Variants in CNTNAP5 observed in about 807,000 individuals in gnomAD.
The protein encoded by CNTNAP5 is contactin associated protein family member 5.
A neutral mutation model predicts 150.2 loss-of-function variants in CNTNAP5; 72 were observed. The ratio of observed to expected loss-of-function variants is 0.48; its 90% CI spans 0.40 to 0.58. The LOEUF (loss-of-function observed/expected upper bound fraction) is 0.58. CNTNAP5 is among the 20% of genes least tolerant of loss of function. CNTNAP5 has a pLI of 0.00. For synonymous variants in CNTNAP5, 672 were observed against 619.8 expected (o/e 1.08, Z -1.25); for missense variants, 1,636 against 1,626.2 (o/e 1.01, Z -0.10).
chr2:124,357,393 C>A (rs1413937953), intron 3 of CNTNAP5, among the ~76,000 whole-genome samples: 2 of 151,954 alleles, frequency 1.3e-5, no homozygotes, highest in African/African-American at 4.8e-5. Flanking sequence ...TGCCTATGTC[C>A]TGAATGGTAA....
At chr2:124,229,105 C>T (rs1191954696) in intron 2 of CNTNAP5, among the ~76,000 whole-genome samples, 3 of 152,038 alleles carry the variant, frequency 2.0e-5, no homozygotes, top group African/African-American at 7.3e-5. Context: ...GCCCTATACC[C>T]AGGAAGAAAG....
rs527788911 is a variant in CNTNAP5 at position 124,195,065 on chromosome 2, G to A, written c.83-26640G>A. On this transcript the variant is annotated intron_variant, in intron 1 of 23. Transcript: ENST00000682447. ...ATTAAATAAAAAAAAAACTCAAAAA[G>A]CATAAAAAACATCTAAAGAGAACCT... is the stretch of plus-strand genomic sequence containing the variant. Among the ~76,000 whole-genome samples the A allele has an allele frequency of 4.0e-5, 6 of 151,464 alleles. No individual in the cohort carries two copies. The South Asian group carries it at 1.3e-3, about 32-fold the overall frequency.
intron 22 of CNTNAP5, among the ~76,000 whole-genome samples, chr2:124,903,804 C>T (rs776963453): frequency 2.6e-5 from 4 of 152,044 alleles, no homozygotes; most frequent in Admixed American, 6.6e-5. Flanking sequence ...CTGAAATTGC[C>T]GCACTTTGGG....
rs1573950359 is a variant in CNTNAP5 at position 124,372,236 on chromosome 2, A to G, written c.382-45207A>G. Among the ~76,000 whole-genome samples, 7 of 152,090 alleles carry G rather than the reference A, an allele frequency of 4.6e-5. No individual in the cohort carries two copies. The South Asian group carries it at 1.5e-3, about 32-fold the overall frequency. ...ACTCTGTGACTTATTCCAGCAGCCT[A>G]TCAGGGGCTCTTAGTCCTTCAGCCT... is the stretch of plus-strand genomic sequence containing the variant. On this transcript the variant is annotated intron_variant, in intron 3 of 23. Transcript: ENST00000682447.
chr2:124,670,133 TTTCCTTCC>T (rs796656346), intron 13 of CNTNAP5, among the ~76,000 whole-genome samples: 28 of 112,604 alleles, frequency 2.5e-4, no homozygotes, highest in Admixed American at 1.1e-3. Context: ...TCCTTCCTTC[TTTCCTTCC>T]TTCCTTCCTT....
At chr2:124,120,406 GA>G (rs1333978691) in intron 1 of CNTNAP5, among the ~76,000 whole-genome samples, 2 of 152,234 alleles carry the variant, frequency 1.3e-5, no homozygotes, top group Middle Eastern at 3.4e-3. Flanking sequence ...GTAAAAGGAA[GA>G]AAAAAGCCAG....
intron 11 of CNTNAP5, among the ~76,000 whole-genome samples, chr2:124,575,337 G>T (rs1209108574): frequency 6.6e-6 from 1 of 152,120 alleles, no homozygotes; most frequent in Non-Finnish European, 1.5e-5. Context: ...TTATATCATT[G>T]CCCAACTTCA....
intron 1 of CNTNAP5, among the ~76,000 whole-genome samples, chr2:124,075,053 A>G (rs1682405516): frequency 6.6e-6 from 1 of 152,180 alleles, no homozygotes; most frequent in Admixed American, 6.5e-5. Context: ...AATTGATGTC[A>G]AACATTAAAA....
At chr2:124,510,265 C>CTATATCTATA (rs1558933173) in intron 8 of CNTNAP5, among the ~76,000 whole-genome samples, 5 of 86,840 alleles carry the variant, frequency 5.8e-5, no homozygotes, top group African/African-American at 2.2e-4. Flanking sequence ...ATCTATATAT[C>CTATATCTATA]TATATATCTA....
rs141633856 is a variant in CNTNAP5 at position 124,771,987 on chromosome 2, C to T, written c.2534-812C>T. ...TTGCCACGACCACCACCATCATCAT[C>T]ACCACCACCACCATCACCATCATCA... On this transcript the variant is annotated intron_variant, in intron 16 of 23. Coordinates refer to ENST00000682447, the MANE Select transcript of CNTNAP5 (RefSeq NM_001367498.1). Among the ~76,000 whole-genome samples, 553 of 151,724 alleles carry T rather than the reference C, an allele frequency of 3.6e-3. 2 individuals are homozygous for T. Among genetic ancestry groups the T allele is most frequent in the South Asian group, 6.4e-3 (30 of 4,674 alleles).
At chr2:124,197,556 A>G (rs559229684) in intron 1 of CNTNAP5, among the ~76,000 whole-genome samples, 1 of 152,360 alleles carries the variant, frequency 6.6e-6, no homozygotes, top group Non-Finnish European at 1.5e-5. Flanking sequence ...CACATATCCT[A>G]GCACACATGG....
Position 124,571,527 on chromosome 2 carries a change from C to CT in CNTNAP5, c.1756+8225dup, listed in dbSNP as rs1214169811. ...CACTGAGTACTTTTTTTTCTTTTTT[C>CT]TTTTTTTTTTTTTTTTTTTTTGAGA... On this transcript the variant is annotated intron_variant, in intron 11 of 23. Coordinates refer to ENST00000682447, the MANE Select transcript of CNTNAP5 (RefSeq NM_001367498.1). 6.8e-4 allele frequency among the ~76,000 whole-genome samples: 32 copies of CT among 46,840 alleles called. 1 individual carries two copies. Among genetic ancestry groups the CT allele is most frequent in the African/African-American group, 2.7e-3 (26 of 9,754 alleles). The allele number at this position is 46,840 out of a possible 152,430, so 30.7% of individuals were successfully genotyped here.
At chr2:124,608,879 G>A (rs1677309944) in intron 11 of CNTNAP5, among the ~76,000 whole-genome samples, 1 of 151,416 alleles carries the variant, frequency 6.6e-6, no homozygotes, top group Admixed American at 6.6e-5. Context: ...CGGGAGGCGA[G>A]TTTGTAGTGA....
intron 1 of CNTNAP5, among the ~76,000 whole-genome samples, chr2:124,060,097 G>T (rs1386417055): frequency 6.6e-6 from 1 of 152,130 alleles, no homozygotes; most frequent in South Asian, 2.1e-4. Flanking sequence ...AGAAGTTTAA[G>T]AAATTCTATT....
intron 3 of CNTNAP5, among the ~76,000 whole-genome samples, chr2:124,345,140 A>G (rs962594007): frequency 6.6e-6 from 1 of 152,214 alleles, no homozygotes; most frequent in Non-Finnish European, 1.5e-5. Flanking sequence ...ATGATTGTGA[A>G]AAACATTTCA....
intron 10 of CNTNAP5, among the ~76,000 whole-genome samples, chr2:124,554,563 G>A (rs1407695337): frequency 1.3e-5 from 2 of 151,618 alleles, no homozygotes; most frequent in African/African-American, 2.4e-5. Flanking sequence ...TAGGACTATA[G>A]GCGTGCACCT....
At position 124,322,045 on chromosome 2, in the gene CNTNAP5, G is replaced by T. The variant is rs187554257; in HGVS notation, c.381+79652G>T. ...CCCGCCTATAATCCCAGCTACTTGGGAGACTGAGGCAGGAGAATCGCTTGA... is the reference window on the plus strand; with the variant it reads ...CCCGCCTATAATCCCAGCTACTTGGTAGACTGAGGCAGGAGAATCGCTTGA... On this transcript the variant is annotated intron_variant, in intron 3 of 23. Transcript: ENST00000682447. 3.0e-3 allele frequency among the ~76,000 whole-genome samples: 463 copies of T among 152,140 alleles called. 2 individuals carry two copies. The highest frequency in any genetic ancestry group is 0.011 in the African/African-American group (441 of 41,490).
intron 20 of CNTNAP5, among the ~76,000 whole-genome samples, chr2:124,867,127 A>C (rs902275404): frequency 6.6e-6 from 1 of 152,002 alleles, no homozygotes; most frequent in East Asian, 1.9e-4. Context: ...CCTCCCTTTC[A>C]TCATTTATTC....
At chr2:124,339,060 A>G (rs1689544323) in intron 3 of CNTNAP5, among the ~76,000 whole-genome samples, 1 of 152,162 alleles carries the variant, frequency 6.6e-6, no homozygotes, top group South Asian at 2.1e-4. Context: ...GAAGAGGACT[A>G]TTCTTGCTGA....
Sources: gnomAD v4.1 joint callset for allele counts (sites outside exome capture counted in the v4.1 genomes callset) on GRCh38, gnomAD v4.1.1 for gene constraint, MANE v1.5 for transcripts, NCBI Gene and HGNC (gene_info 2026-07-23, HGNC 2026-07-21) for gene names.